RSRC1: variants seen among roughly 807,000 people sequenced by gnomAD.
The protein encoded by RSRC1 is arginine and serine rich coiled-coil 1.
RSRC1 carries 39 observed loss-of-function variants against 49.1 expected under a neutral mutation model. The ratio of observed to expected loss-of-function variants is 0.79; its 90% CI spans 0.61 to 1.04. The LOEUF (loss-of-function observed/expected upper bound fraction) is 1.04. RSRC1 is among the 50% of genes least tolerant of loss of function. The pLI is 0.00. For synonymous variants in RSRC1, 143 were observed against 130.8 expected (o/e 1.09, Z -0.63); for missense variants, 388 against 402.4 (o/e 0.96, Z 0.31).
At chr3:158,531,237 T>A (rs910744611) in intron 7 of RSRC1, among the ~76,000 whole-genome samples, 1 of 151,756 alleles carries the variant, frequency 6.6e-6, no homozygotes, top group Non-Finnish European at 1.5e-5. Context: ...AGAGGCCCTT[T>A]TACTCACAGG....
At chr3:158,387,480 T>TA (rs1194329797) in intron 6 of RSRC1, among the ~76,000 whole-genome samples, 1 of 152,040 alleles carries the variant, frequency 6.6e-6, no homozygotes, top group Admixed American at 6.6e-5. Flanking sequence ...GCTTATTAAA[T>TA]AAAAAAATTA....
At chr3:158,273,896 T>C (rs1725658789) in intron 4 of RSRC1, among the ~76,000 whole-genome samples, 3 of 152,144 alleles carry the variant, frequency 2.0e-5, no homozygotes, top group Admixed American at 2.0e-4. Flanking sequence ...TCGTAGTTGC[T>C]TGAGTCATGT....
chr3:158,361,989 TTG>T (rs1731501257), intron 6 of RSRC1, among the ~76,000 whole-genome samples: 1 of 152,222 alleles, frequency 6.6e-6, no homozygotes, highest in African/African-American at 2.4e-5. Flanking sequence ...TAATATTTAG[TTG>T]TTTCATGAAT....
intron 5 of RSRC1, among the ~76,000 whole-genome samples, chr3:158,307,306 A>AT (rs151220599): frequency 0.011 from 1,674 of 152,046 alleles, 42 homozygotes; most frequent in African/African-American, 0.038. Flanking sequence ...TTGTTCCTAT[A>AT]TAAAGTAAAG....
At chr3:158,512,396 C>G (rs112400394) in intron 7 of RSRC1, among the ~76,000 whole-genome samples, 63,997 of 135,152 alleles carry the variant, frequency 0.47, 14,377 homozygotes, top group African/African-American at 0.57. Context: ...GCTTGTTTTT[C>G]TCAGGTTTGT....
At chr3:158,117,945 T>C (rs938688294) in intron 1 of RSRC1, among the ~76,000 whole-genome samples, 1 of 147,674 alleles carries the variant, frequency 6.8e-6, no homozygotes, top group Non-Finnish European at 1.5e-5. Context: ...TCCAACCTTA[T>C]TGTTTTTGTT....
intron 5 of RSRC1, among the ~76,000 whole-genome samples, chr3:158,335,815 T>TC (rs1441974270): frequency 6.6e-6 from 1 of 152,236 alleles, no homozygotes; most frequent in Non-Finnish European, 1.5e-5. Flanking sequence ...TTGTTTTTTT[T>TC]CCAAAGTAAT....
intron 7 of RSRC1, among the ~76,000 whole-genome samples, chr3:158,479,144 G>A (rs949402174): frequency 8.6e-5 from 13 of 150,718 alleles, no homozygotes; most frequent in African/African-American, 3.2e-4. Flanking sequence ...CTGCCTTGTG[G>A]ACACAGTGAT....
At chr3:158,120,108 C>T (rs377610562) in intron 1 of RSRC1, among the ~76,000 whole-genome samples, 5 of 152,082 alleles carry the variant, frequency 3.3e-5, no homozygotes, top group African/African-American at 9.7e-5. Context: ...GGATTACAGG[C>T]GTGAGCCACT....
intron 4 of RSRC1, among the ~76,000 whole-genome samples, chr3:158,220,835 G>T (rs773113020): frequency 4.6e-5 from 7 of 151,570 alleles, no homozygotes; most frequent in Non-Finnish European, 1.0e-4. Context: ...CAGACACCCT[G>T]CAGATAACTG....
At chr3:158,264,877 A>T (rs1382218845) in intron 4 of RSRC1, among the ~76,000 whole-genome samples, 1 of 152,162 alleles carries the variant, frequency 6.6e-6, no homozygotes, top group Non-Finnish European at 1.5e-5. Flanking sequence ...ACTATTTCTC[A>T]CTTTGTATGA....
At chr3:158,244,879 T>A (rs1014165769) in intron 4 of RSRC1, among the ~76,000 whole-genome samples, 2 of 152,066 alleles carry the variant, frequency 1.3e-5, no homozygotes, top group African/African-American at 4.8e-5. Context: ...CAAGAATGTA[T>A]CCATTCTTCC....
chr3:158,400,386 TTTA>T (rs1417020623), intron 6 of RSRC1, among the ~76,000 whole-genome samples: 1 of 152,070 alleles, frequency 6.6e-6, no homozygotes, highest in Non-Finnish European at 1.5e-5. Flanking sequence ...GTATCATATT[TTTA>T]TTATTCTGGA....
At chr3:158,469,958 C>G (rs1350073803) in intron 7 of RSRC1, among the ~76,000 whole-genome samples, 4 of 151,944 alleles carry the variant, frequency 2.6e-5, no homozygotes, top group African/African-American at 9.7e-5. Context: ...ATTATTAGCT[C>G]TATTAAAAGA....
intron 6 of RSRC1, among the ~76,000 whole-genome samples, chr3:158,439,159 AAAC>A (rs1298733938): frequency 1.3e-5 from 2 of 152,142 alleles, no homozygotes; most frequent in African/African-American, 4.8e-5. Context: ...AAAAGTCAGG[AAAC>A]AACAGGTGCT....
chr3:158,322,589 C>G (rs113765707), intron 5 of RSRC1, among the ~76,000 whole-genome samples: 1 of 152,320 alleles, frequency 6.6e-6, no homozygotes, highest in African/African-American at 2.4e-5. Flanking sequence ...CCTTTTGCAC[C>G]TGTCCTCTTG....
At chr3:158,401,788 G>A (rs1387045635) in intron 6 of RSRC1, among the ~76,000 whole-genome samples, 1 of 151,978 alleles carries the variant, frequency 6.6e-6, no homozygotes, top group African/African-American at 2.4e-5. Flanking sequence ...TCTTTGGCCA[G>A]TTCACAGAAA....
At chr3:158,186,643 T>G (rs948536145) in intron 3 of RSRC1, among the ~76,000 whole-genome samples, 1 of 151,932 alleles carries the variant, frequency 6.6e-6, no homozygotes, top group Non-Finnish European at 1.5e-5. Context: ...TTTCACAGAA[T>G]TTTGGTAACA....
chr3:158,464,124 C>T (rs1737757185), intron 7 of RSRC1, among the ~76,000 whole-genome samples: 1 of 152,012 alleles, frequency 6.6e-6, no homozygotes, highest in Admixed American at 6.6e-5. Flanking sequence ...TTGACTTACT[C>T]TTTTTCTCTG....
Sources: gnomAD v4.1 joint callset for allele counts (sites outside exome capture counted in the v4.1 genomes callset) on GRCh38, gnomAD v4.1.1 for gene constraint, MANE v1.5 for transcripts, NCBI Gene and HGNC (gene_info 2026-07-23, HGNC 2026-07-21) for gene names.